The following EDIL3 variants were observed in gnomAD, a reference collection of about 807,000 sequenced individuals.
EDIL3 encodes EGF like and discoidin domains 3, also known as EGF-like repeat and discoidin I-like domain-containing protein 3.
In EDIL3, 37 loss-of-function variants were observed where a neutral mutation model predicts 67.4. The observed-to-expected ratio is 0.55, with a 90% CI of 0.42 to 0.72. The LOEUF is 0.72. Among genes scored for constraint, EDIL3 ranks in the 30% least tolerant of loss-of-function variants. The pLI is 0.00. For synonymous variants in EDIL3, 195 were observed against 196.3 expected (o/e 0.99, Z 0.05); for missense variants, 527 against 586.3 (o/e 0.90, Z 1.04).
intron 3 of EDIL3, among the ~76,000 whole-genome samples, chr5:84,191,858 A>C (rs575667474): frequency 1.3e-5 from 2 of 152,162 alleles, no homozygotes; most frequent in East Asian, 3.9e-4. Flanking sequence ...AAGTAAATAC[A>C]CTGAAGTTTC....
At chr5:84,211,679 A>G (rs1000109206) in intron 3 of EDIL3, among the ~76,000 whole-genome samples, 4 of 152,216 alleles carry the variant, frequency 2.6e-5, no homozygotes, top group Non-Finnish European at 5.9e-5. Flanking sequence ...CACAGCCAAC[A>G]CAAACTGAAA....
At chr5:84,218,293 T>C (rs1302170573) in intron 3 of EDIL3, among the ~76,000 whole-genome samples, 1 of 152,250 alleles carries the variant, frequency 6.6e-6, no homozygotes, top group Non-Finnish European at 1.5e-5. Context: ...CTCTTAGGAA[T>C]GTTCTAGGCA....
intron 1 of EDIL3, among the ~76,000 whole-genome samples, chr5:84,320,404 T>C (rs559636547): frequency 6.6e-6 from 1 of 151,980 alleles, no homozygotes; most frequent in African/African-American, 2.4e-5. Flanking sequence ...TTAAACAGTA[T>C]CTACATTTTA....
Position 84,163,230 on chromosome 5 carries a change from A to G in EDIL3, c.355+17163T>C, listed in dbSNP as rs144856137. ...AAGTTCATTTTAAATATACTCTCTA[A>G]ACCATTTGAGAATTGCAGGCCATAA... On this transcript the variant is annotated intron_variant, in intron 4 of 10. Transcript: ENST00000296591. Among the ~76,000 whole-genome samples, 79 of 152,178 alleles carry G rather than the reference A, an allele frequency of 5.2e-4. 1 individual carries two copies. The highest frequency in any genetic ancestry group is 1.9e-3 in the African/African-American group (78 of 41,546).
At chr5:84,185,784 T>C (rs10223237) in intron 3 of EDIL3, among the ~76,000 whole-genome samples, 63 of 152,262 alleles carry the variant, frequency 4.1e-4, no homozygotes, top group African/African-American at 1.5e-3. Context: ...GAATTGTAAA[T>C]AACAGACCAT....
chr5:84,295,143 T>C (rs1746020564), intron 1 of EDIL3, among the ~76,000 whole-genome samples: 1 of 152,240 alleles, frequency 6.6e-6, no homozygotes, highest in Middle Eastern at 3.4e-3. Flanking sequence ...AGTACTTTTT[T>C]CTATTCCCAT....
intron 3 of EDIL3, among the ~76,000 whole-genome samples, chr5:84,182,085 C>A (rs141422587): frequency 7.2e-4 from 109 of 151,966 alleles, no homozygotes; most frequent in African/African-American, 2.5e-3. Flanking sequence ...GGGTATTGAA[C>A]AGAGAGTGCT....
intron 10 of EDIL3, among the ~76,000 whole-genome samples, chr5:83,960,712 A>G (rs1426602774): frequency 6.6e-6 from 1 of 151,082 alleles, no homozygotes; most frequent in African/African-American, 2.4e-5. Flanking sequence ...AATCACAAAA[A>G]TAGCAAAACG....
At chr5:83,972,421 A>T (rs1744809717) in intron 9 of EDIL3, among the ~76,000 whole-genome samples, 1 of 152,080 alleles carries the variant, frequency 6.6e-6, no homozygotes, top group Non-Finnish European at 1.5e-5. Flanking sequence ...CTGCAAAGTT[A>T]CCAACAGGCA....
chr5:84,374,642 T>A (rs1332459994), intron 1 of EDIL3, among the ~76,000 whole-genome samples: 1 of 152,164 alleles, frequency 6.6e-6, no homozygotes, highest in Admixed American at 6.6e-5. Flanking sequence ...CACCCAAATA[T>A]TATCCCAAAT....
Position 84,237,742 on chromosome 5 carries a change from G to A in EDIL3, c.197-7858C>T, listed in dbSNP as rs141528634. 2.7e-3 allele frequency among the ~76,000 whole-genome samples: 416 copies of A among 152,136 alleles called. 3 individuals carry two copies. Among genetic ancestry groups the A allele is most frequent in the African/African-American group, 9.5e-3 (394 of 41,528 alleles). On this transcript the variant is annotated intron_variant, in intron 2 of 10. Transcript: ENST00000296591. ...AGATTTTTAAAAGATCCTCTTTGAT[G>A]CCATCCTTTTTGATGCCATCAGCCT... is the stretch of plus-strand genomic sequence containing the variant.
chr5:84,152,909 C>T (rs1182160345), intron 4 of EDIL3, among the ~76,000 whole-genome samples: 1 of 152,008 alleles, frequency 6.6e-6, no homozygotes, highest in Non-Finnish European at 1.5e-5. Context: ...TATAAAAATA[C>T]ATATTTTTGA....
chr5:84,182,246 G>A (rs1036646836), intron 3 of EDIL3, among the ~76,000 whole-genome samples: 4 of 149,146 alleles, frequency 2.7e-5, no homozygotes, highest in Non-Finnish European at 5.9e-5. Flanking sequence ...GGGCAACATG[G>A]TGAAACTCCA....
intron 3 of EDIL3, among the ~76,000 whole-genome samples, chr5:84,227,355 G>C (rs1744471718): frequency 6.6e-6 from 1 of 151,888 alleles, no homozygotes; most frequent in Non-Finnish European, 1.5e-5. Flanking sequence ...ACTTAACAGA[G>C]AAATTCAAAT....
intron 6 of EDIL3, among the ~76,000 whole-genome samples, chr5:84,103,549 G>A (rs1342252748): frequency 6.6e-6 from 1 of 151,926 alleles, no homozygotes; most frequent in East Asian, 1.9e-4. Flanking sequence ...ATTAAAAAGT[G>A]GGCAAAGGAC....
chr5:84,207,677 T>C (rs1376925400), intron 3 of EDIL3, among the ~76,000 whole-genome samples: 1 of 151,860 alleles, frequency 6.6e-6, no homozygotes, highest in Non-Finnish European at 1.5e-5. Context: ...CAAAACAGCA[T>C]GGTACTGGTA....
intron 10 of EDIL3, among the ~76,000 whole-genome samples, chr5:83,957,297 G>C (rs1267257871): frequency 6.6e-6 from 1 of 151,564 alleles, no homozygotes; most frequent in Non-Finnish European, 1.5e-5. Flanking sequence ...ATCTTCCTCT[G>C]TGATTGCCAC....
At chr5:84,044,119 C>G (rs558403268) in intron 9 of EDIL3, among the ~76,000 whole-genome samples, 2 of 152,146 alleles carry the variant, frequency 1.3e-5, no homozygotes, top group South Asian at 4.1e-4. Context: ...CATGTGTTCT[C>G]ATTGTTTAAA....
intron 2 of EDIL3, 85 bp from the exon 3 acceptor site, chr5:84,229,969 A>G (rs2112043107): frequency 1.6e-6 from 2 of 1,250,486 alleles, no homozygotes; most frequent in Non-Finnish European, 1.1e-6. Context: ...AGAGAAAAAG[A>G]GATATTGAGA....
Sources: allele counts gnomAD v4.1 joint callset (sites outside exome capture counted in the v4.1 genomes callset), GRCh38; gene constraint gnomAD v4.1.1; transcripts MANE v1.5; gene names NCBI Gene and HGNC (gene_info 2026-07-23, HGNC 2026-07-21).